The following CPED1 variants were observed in gnomAD, a reference collection of about 807,000 sequenced individuals.
The protein encoded by CPED1 is cadherin-like and PC-esterase domain-containing protein 1.
CPED1 carries 114 observed loss-of-function variants against 128.2 expected under a neutral mutation model. The observed-to-expected ratio is 0.89, with a 90% CI of 0.76 to 1.04. The LOEUF (loss-of-function observed/expected upper bound fraction) is 1.04. Among genes scored for constraint, CPED1 ranks in the 50% least tolerant of loss-of-function variants. The pLI is 0.00. For synonymous variants in CPED1, 462 were observed against 426.7 expected (o/e 1.08, Z -1.02); for missense variants, 1,211 against 1,207.1 (o/e 1.00, Z -0.05).
intron 5 of CPED1, among the ~76,000 whole-genome samples, chr7:121,068,597 G>GACAA (rs1563013349): frequency 6.6e-6 from 1 of 151,456 alleles, no homozygotes; most frequent in Non-Finnish European, 1.5e-5. Context: ...TGGCAATGTG[G>GACAA]GCTCTTTTTT....
intron 9 of CPED1, among the ~76,000 whole-genome samples, chr7:121,126,327 T>A (rs181111347): frequency 8.5e-5 from 13 of 152,248 alleles, no homozygotes; most frequent in African/African-American, 1.2e-4. Flanking sequence ...ATTTTTGAAT[T>A]TTTTTTTCTG....
chr7:121,030,343 G>A (rs917232990), intron 3 of CPED1, among the ~76,000 whole-genome samples: 2 of 152,110 alleles, frequency 1.3e-5, no homozygotes, highest in East Asian at 1.9e-4. Flanking sequence ...TTCACTTTCC[G>A]TGGTTCCAGT....
intron 6 of CPED1, among the ~76,000 whole-genome samples, chr7:121,099,293 A>G (rs1794781320): frequency 6.6e-6 from 1 of 152,126 alleles, no homozygotes; most frequent in Non-Finnish European, 1.5e-5. Flanking sequence ...GGGTACTGTA[A>G]CTAATTTATA....
At chr7:121,255,160 A>G (rs544857671) in intron 18 of CPED1, among the ~76,000 whole-genome samples, 25 of 152,218 alleles carry the variant, frequency 1.6e-4, no homozygotes, top group South Asian at 4.1e-4. Context: ...AAGATTCTCA[A>G]CCAAATACTA....
At chr7:121,272,753 A>AT (rs1792258322) in intron 22 of CPED1, among the ~76,000 whole-genome samples, 1 of 152,206 alleles carries the variant, frequency 6.6e-6, no homozygotes, top group African/African-American at 2.4e-5. Context: ...ACAGTATATC[A>AT]TACCAGTTCT....
intron 7 of CPED1, among the ~76,000 whole-genome samples, chr7:121,118,796 C>T (rs1323318620): frequency 6.6e-6 from 1 of 152,102 alleles, no homozygotes; most frequent in African/African-American, 2.4e-5. Flanking sequence ...GAGGACCAGG[C>T]ATCTCACATG....
intron 12 of CPED1, among the ~76,000 whole-genome samples, chr7:121,133,169 C>T (rs1644174152): frequency 6.6e-6 from 1 of 152,062 alleles, no homozygotes; most frequent in African/African-American, 2.4e-5. Context: ...CAGGGGCCTG[C>T]AGATGATCCT....
chr7:121,077,011 A>G (rs1454031244), intron 5 of CPED1, among the ~76,000 whole-genome samples: 2 of 152,040 alleles, frequency 1.3e-5, no homozygotes, highest in African/African-American at 2.4e-5. Context: ...TCTGCCCTGT[A>G]TCCTCCTCTT....
chr7:121,058,134 G>A (rs1479424237), intron 4 of CPED1, among the ~76,000 whole-genome samples: 1 of 152,108 alleles, frequency 6.6e-6, no homozygotes, highest in African/African-American at 2.4e-5. Context: ...AGGGCAGAGA[G>A]GTACCTGGAG....
chr7:121,003,840 G>A (rs1299573177), intron 2 of CPED1, among the ~76,000 whole-genome samples: 1 of 152,166 alleles, frequency 6.6e-6, no homozygotes, highest in Non-Finnish European at 1.5e-5. Context: ...AAACTGAAAG[G>A]ACCAGATAAG....
intron 18 of CPED1, among the ~76,000 whole-genome samples, chr7:121,251,192 T>C (rs1428815658): frequency 6.6e-6 from 1 of 152,112 alleles, no homozygotes; most frequent in Non-Finnish European, 1.5e-5. Flanking sequence ...ATCCAGCATA[T>C]AAACAGAACC....
intron 6 of CPED1, among the ~76,000 whole-genome samples, chr7:121,098,901 TATG>T (rs953481773): frequency 3.4e-5 from 5 of 149,098 alleles, no homozygotes; most frequent in African/African-American, 7.4e-5. Flanking sequence ...CATTTAGAAA[TATG>T]ATGTAGAAAA....
At chr7:121,104,535 C>A (rs1404104455) in intron 7 of CPED1, among the ~76,000 whole-genome samples, 1 of 152,108 alleles carries the variant, frequency 6.6e-6, no homozygotes, top group East Asian at 1.9e-4. Flanking sequence ...CCATATTTGA[C>A]TATTTTTATG....
At chr7:121,146,530 C>T (rs994923747) in intron 16 of CPED1, among the ~76,000 whole-genome samples, 2 of 152,082 alleles carry the variant, frequency 1.3e-5, no homozygotes, top group South Asian at 2.1e-4. Flanking sequence ...TATTCTCTTA[C>T]CTTCTGAGCA....
At chr7:121,270,754 A>T (rs1792214657) in intron 21 of CPED1, among the ~76,000 whole-genome samples, 1 of 151,944 alleles carries the variant, frequency 6.6e-6, no homozygotes, top group Admixed American at 6.6e-5. Context: ...TTGTACCAAA[A>T]CCATGCTGTT....
At chr7:121,233,912 A>G (rs544403095) in intron 16 of CPED1, among the ~76,000 whole-genome samples, 16 of 152,136 alleles carry the variant, frequency 1.1e-4, no homozygotes, top group South Asian at 2.1e-4. Context: ...TTTTCTGCCT[A>G]TGGTTGCTTC....
At chr7:121,015,941 A>T in intron 3 of CPED1, 93 bp downstream of exon 3, 4 of 911,792 alleles carry the variant, frequency 4.4e-6, no homozygotes, top group East Asian at 3.3e-5. Context: ...AAAAAAATTT[A>T]TAAAAACAAA....
chr7:121,075,862 C>G (rs959562928), intron 5 of CPED1, among the ~76,000 whole-genome samples: 1 of 151,964 alleles, frequency 6.6e-6, no homozygotes, highest in Non-Finnish European at 1.5e-5. Flanking sequence ...CAACTTTGAG[C>G]TTTTTAAAAA....
intron 16 of CPED1, among the ~76,000 whole-genome samples, chr7:121,194,048 A>ATATATTTT (rs1396095392): frequency 4.2e-5 from 2 of 47,456 alleles, no homozygotes; most frequent in African/African-American, 8.2e-5. Flanking sequence ...ATATATATAT[A>ATATATTTT]TTTTTTTTTT....
Sources: gnomAD v4.1 joint callset for allele counts (sites outside exome capture counted in the v4.1 genomes callset) on GRCh38, gnomAD v4.1.1 for gene constraint, MANE v1.5 for transcripts, NCBI Gene and HGNC (gene_info 2026-07-23, HGNC 2026-07-21) for gene names.